C4orf50: variants seen among roughly 807,000 people sequenced by gnomAD.
C4orf50 encodes uncharacterized protein C4orf50.
C4orf50 carries 80 observed loss-of-function variants against 77.2 expected under a neutral mutation model. The ratio of observed to expected loss-of-function variants is 1.04; its 90% CI spans 0.87 to 1.25. The LOEUF (loss-of-function observed/expected upper bound fraction) is 1.25, where lower values mean the gene tolerates loss of function less well. Among genes scored for constraint, C4orf50 ranks in the 50% most tolerant of loss-of-function variants. The pLI is 0.00. For missense variants in C4orf50, 1,257 were observed against 1,152.9 expected (o/e 1.09, Z -1.31); for synonymous variants, 532 against 465.3 (o/e 1.14, Z -1.84).
rs1722336749 is a variant in C4orf50 at position 6,008,313 on chromosome 4, C to G, written c.646G>C (p.Ala216Pro). ...TCCCACTGGGCCAGCAGGAGGCCCGCGGCGCGGCAGAGGCGCCGCACGTTG... is the reference window on the plus strand; with the variant it reads ...TCCCACTGGGCCAGCAGGAGGCCCGGGGCGCGGCAGAGGCGCCGCACGTTG... Residue 216 changes from alanine (A) to proline (P), a missense_variant, in exon 25 of 34, where the codon GCG (alanine) becomes CCG (proline). Ala to Pro is a conservative substitution (Grantham distance 27). Coordinates refer to ENST00000531445, the Ensembl canonical transcript of C4orf50. The surrounding 1 kb of genome is among the most constrained non-coding windows in gnomAD (Gnocchi z 6.0). 2.6e-6 allele frequency: 1 copy of G among 388,750 alleles called. No homozygotes were observed. The highest frequency in any genetic ancestry group is 3.7e-5 in the East Asian group (1 of 27,086). The allele number at this position is 388,750 out of a possible 1,614,324, so 24.1% of individuals were successfully genotyped here.
intron 7 of C4orf50, among the ~76,000 whole-genome samples, chr4:5,950,705 C>A (rs1577922786): frequency 6.5e-5 from 1 of 15,298 alleles, no homozygotes; most frequent in Admixed American, 6.3e-4. Context: ...ACTGTCTCCA[C>A]CCCCGTTTTT....
At chr4:5,983,612 A>G (rs1309118381) in intron 28 of C4orf50, among the ~76,000 whole-genome samples, 1 of 152,236 alleles carries the variant, frequency 6.6e-6, no homozygotes, top group African/African-American at 2.4e-5. Flanking sequence ...CTTTGCAGGC[A>G]TTGGAAGATG....
intron 7 of C4orf50, chr4:5,902,986 G>A (rs1347276659): frequency 6.6e-6 from 1 of 152,134 alleles, no homozygotes; most frequent in African/African-American, 2.4e-5. Flanking sequence ...TGAGACCTCG[G>A]GCCCCAGCCA....
intron 28 of C4orf50, among the ~76,000 whole-genome samples, chr4:5,981,932 T>A (rs58575429): frequency 0.25 from 37,243 of 151,582 alleles, 4,645 homozygotes; most frequent in Middle Eastern, 0.31. Context: ...AGGAGGGGGA[T>A]CCCAAGCTAC....
In C4orf50 at chr4:5,992,762, C is replaced by T; in HGVS notation, c.1221+41G>A. 2.5e-6 allele frequency: 1 copy of T among 399,160 alleles called. No homozygotes were observed. The highest frequency in any genetic ancestry group is 4.4e-6 in the Non-Finnish European group (1 of 226,118). 24.7% of individuals were successfully genotyped at this position (399,160 alleles called of 1,614,324 possible). ...TGCATGAGGCAGGGCTGAGGGGAAC[C>T]AGTGGCACTGCACACACACGCAGAA... On this transcript the variant is annotated intron_variant, in intron 27 of 33. Transcript: ENST00000531445. This position sits in a 1 kb window ranked among gnomAD's most constrained non-coding sequence, Gnocchi z 5.0.
At chr4:5,950,548 T>C (rs1290215027) in intron 7 of C4orf50, among the ~76,000 whole-genome samples, 1 of 152,182 alleles carries the variant, frequency 6.6e-6, no homozygotes, top group Non-Finnish European at 1.5e-5. Context: ...ATCTGTTCTT[T>C]TACTCGCTGA....
At chr4:5,962,141 A>G (rs957275889) in intron 33 of C4orf50, among the ~76,000 whole-genome samples, 1 of 152,208 alleles carries the variant, frequency 6.6e-6, no homozygotes, top group Non-Finnish European at 1.5e-5. Flanking sequence ...AAACAGCCTG[A>G]TGGCCCCTGT....
rs989540276 is a variant in C4orf50 at position 5,916,360 on chromosome 4, G to C, written c.*2475-18172C>G. ...TAGGAGAGGGGTGGGGCTTAACCACGCCGAACAGACAGCCTTGGGTCCCTG... is the reference window on the plus strand; with the variant it reads ...TAGGAGAGGGGTGGGGCTTAACCACCCCGAACAGACAGCCTTGGGTCCCTG... On this transcript the variant is annotated intron_variant, in intron 7 of 7. Transcript: ENST00000324058. The surrounding 1 kb of genome is among the most constrained non-coding windows in gnomAD (Gnocchi z 4.4). Among the ~76,000 whole-genome samples the C allele has an allele frequency of 1.3e-5, 2 of 151,534 alleles. No homozygotes were observed. The highest frequency in any genetic ancestry group is 2.9e-5 in the Non-Finnish European group (2 of 68,026).
chr4:5,960,501 T>A (rs1188483585), intron 33 of C4orf50, among the ~76,000 whole-genome samples: 1 of 152,118 alleles, frequency 6.6e-6, no homozygotes, highest in Non-Finnish European at 1.5e-5. Context: ...TTTGCCTCAC[T>A]GGTGGAAGAC....
chr4:5,994,242 A>G, intron 26 of C4orf50, 105 bp downstream of exon 4: 2 of 396,948 alleles, frequency 5.0e-6, no homozygotes, highest in Non-Finnish European at 8.9e-6. Context: ...AGGGGGGACC[A>G]CCCCCTCTCC....
At chr4:5,942,882 A>G (rs1324293418) in intron 7 of C4orf50, among the ~76,000 whole-genome samples, 2 of 152,236 alleles carry the variant, frequency 1.3e-5, no homozygotes, top group Admixed American at 1.3e-4. Flanking sequence ...GTAAGGATAA[A>G]TGTCAAAATG....
At chr4:5,938,205 A>G (rs1023435643) in intron 7 of C4orf50, among the ~76,000 whole-genome samples, 1 of 152,272 alleles carries the variant, frequency 6.6e-6, no homozygotes, top group African/African-American at 2.4e-5. Context: ...AGTAAAAAAA[A>G]TGGAAATTAT....
At chr4:5,931,783 C>T (rs983072266) in intron 7 of C4orf50, among the ~76,000 whole-genome samples, 2 of 152,104 alleles carry the variant, frequency 1.3e-5, no homozygotes, top group East Asian at 1.9e-4. Context: ...CCATCTTCCC[C>T]GTGGATCCAG....
intron 7 of C4orf50, among the ~76,000 whole-genome samples, chr4:5,910,373 C>T (rs180684420): frequency 9.8e-4 from 149 of 152,282 alleles, no homozygotes; most frequent in African/African-American, 3.5e-3. Context: ...AAATTTAAGC[C>T]TTTTGAAAAG....
At position 5,988,949 on chromosome 4, in the gene C4orf50, T is replaced by A; in HGVS notation, c.3097A>T (p.Lys1033Ter). 6.5e-7 allele frequency: 1 copy of A among 1,536,148 alleles called. No individual in the cohort carries two copies. Among genetic ancestry groups the A allele is most frequent in the Non-Finnish European group, 8.7e-7 (1 of 1,146,914 alleles). The change falls in exon 28 of 34, where the codon AAA becomes TAA. Residue 1033 changes from lysine (K) to a stop codon, truncating the protein, a stop_gained. Coordinates refer to ENST00000531445, the Ensembl canonical transcript of C4orf50. LOFTEE classifies it high-confidence loss of function. The stretch of plus-strand genomic sequence containing the variant: ...TTCCTGACACTCTCAGACGTGGCTT[T>A]CTGGAGTTGGCCCAGATTCCCTTTC...
intron 7 of C4orf50, among the ~76,000 whole-genome samples, chr4:5,917,459 G>A (rs891509062): frequency 1.5e-5 from 2 of 133,206 alleles, no homozygotes; most frequent in Non-Finnish European, 3.1e-5. Context: ...CTGTCACTAG[G>A]CTAGAGTGCA....
At chr4:5,951,597 G>A (rs1202267645) in intron 7 of C4orf50, among the ~76,000 whole-genome samples, 1 of 152,196 alleles carries the variant, frequency 6.6e-6, no homozygotes, top group Non-Finnish European at 1.5e-5. Context: ...TTACGGCCCT[G>A]TTAACAATGG....
chr4:6,013,706 G>A (rs1361686265), intron 23 of C4orf50, among the ~76,000 whole-genome samples: 1 of 152,184 alleles, frequency 6.6e-6, no homozygotes, highest in Non-Finnish European at 1.5e-5. Flanking sequence ...GCGATTGCAT[G>A]CAGCTGGGTC....
chr4:5,943,582 C>G (rs1718354619), intron 7 of C4orf50, among the ~76,000 whole-genome samples: 1 of 152,326 alleles, frequency 6.6e-6, no homozygotes, highest in African/African-American at 2.4e-5. Flanking sequence ...TATCCTCTTT[C>G]TTGTTCCTCT....
Sources: gnomAD v4.1 joint callset for allele counts (sites outside exome capture counted in the v4.1 genomes callset) on GRCh38, gnomAD v4.1.1 for gene constraint, Gnocchi (gnomAD v3.1) non-coding constraint, MANE v1.5 for transcripts, NCBI Gene and HGNC (gene_info 2026-07-23, HGNC 2026-07-21) for gene names.